Variants in WDR7 observed in about 807,000 individuals in gnomAD.
WDR7 encodes the protein WD repeat-containing protein 7.
A neutral mutation model predicts 169.4 loss-of-function variants in WDR7; 46 were observed. The ratio of observed to expected loss-of-function variants is 0.27; its 90% CI spans 0.21 to 0.35. The LOEUF is 0.35. Ranked by LOEUF, WDR7 falls within the 10% of genes least tolerant of loss-of-function variation. The pLI is 1.00. For missense variants in WDR7, 1,534 were observed against 1,859.3 expected, an observed-to-expected ratio of 0.83 and a Z score of 3.22; for synonymous variants, 612 against 666.8, an observed-to-expected ratio of 0.92 and a Z score of 1.27.
At chr18:57,010,205 A>T in intron 26 of WDR7, 6 of 985,486 alleles carry the variant, frequency 6.1e-6, no homozygotes, top group Non-Finnish European at 7.2e-6. Flanking sequence ...AAATACTGAA[A>T]AAAACATTTA....
At chr18:57,021,761 CTTTAT>C (rs1222238540) in intron 27 of WDR7, among the ~76,000 whole-genome samples, 2 of 152,100 alleles carry the variant, frequency 1.3e-5, no homozygotes, top group African/African-American at 4.8e-5. Context: ...TTGTTGTTAC[CTTTAT>C]TTTCTTAGAA....
intron 14 of WDR7, among the ~76,000 whole-genome samples, 156 bp from the exon 15 acceptor site, chr18:56,756,427 G>T (rs1213327164): frequency 1.3e-5 from 2 of 152,154 alleles, no homozygotes; most frequent in African/African-American, 4.8e-5. Context: ...ACATGCTGCT[G>T]ATTGGCAAAG....
intron 26 of WDR7, among the ~76,000 whole-genome samples, chr18:56,986,170 G>A (rs888728731): frequency 0.022 from 3,178 of 144,416 alleles, 40 homozygotes; most frequent in Non-Finnish European, 0.031. Flanking sequence ...GTGTGTGTGT[G>A]TGTGTGTGTA....
rs552974452 is a variant in WDR7, at chr18:56,924,121, T to A, written c.3713+13T>A. The A allele has an allele frequency of 1.2e-6, 2 of 1,608,450 alleles. No individual in the cohort carries two copies. The highest frequency in any genetic ancestry group is 2.2e-5 in the South Asian group (2 of 89,016). ...AACAACTTGCCAAGTATGTGTGGATTCCGGTTAATTTAATTTGTCACTGTT... is the reference window on the plus strand; with the variant it reads ...AACAACTTGCCAAGTATGTGTGGATACCGGTTAATTTAATTTGTCACTGTT... On this transcript the variant is annotated intron_variant, in intron 22 of 27. Coordinates refer to ENST00000254442, the MANE Select transcript of WDR7 (RefSeq NM_015285.3).
At chr18:56,751,464 G>A (rs1027069403) in intron 14 of WDR7, among the ~76,000 whole-genome samples, 5 of 152,090 alleles carry the variant, frequency 3.3e-5, no homozygotes, top group African/African-American at 1.2e-4. Flanking sequence ...AAAGAATTTT[G>A]CAGCTATTTC....
At chr18:56,895,681 C>A in intron 21 of WDR7, among the ~76,000 whole-genome samples, 1 of 151,396 alleles carries the variant, frequency 6.6e-6, no homozygotes, top group East Asian at 1.9e-4. Context: ...CACATGTACC[C>A]CTAAATATGT....
At chr18:56,956,289 G>C (rs2047249421) in intron 25 of WDR7, among the ~76,000 whole-genome samples, 1 of 152,078 alleles carries the variant, frequency 6.6e-6, no homozygotes, top group Non-Finnish European at 1.5e-5. Flanking sequence ...AGCTCGCCCT[G>C]AGCTGATGCC....
chr18:56,678,584 C>T (rs1311233892), intron 2 of WDR7, among the ~76,000 whole-genome samples: 2 of 152,084 alleles, frequency 1.3e-5, no homozygotes, highest in Non-Finnish European at 2.9e-5. Flanking sequence ...GCAACCTCTG[C>T]CTCCTGGGTT....
chr18:56,745,570 T>C (rs2043689624), intron 14 of WDR7, among the ~76,000 whole-genome samples: 1 of 152,160 alleles, frequency 6.6e-6, no homozygotes, highest in Non-Finnish European at 1.5e-5. Context: ...CTAATGCCAC[T>C]GCTGATATGA....
intron 26 of WDR7, among the ~76,000 whole-genome samples, chr18:56,964,788 C>T (rs749629266): frequency 1.4e-4 from 21 of 152,286 alleles, no homozygotes; most frequent in Non-Finnish European, 2.2e-4. Context: ...CCTTTACCTT[C>T]CACTTCTGTA....
intron 21 of WDR7, among the ~76,000 whole-genome samples, chr18:56,890,239 A>G (rs1225321604): frequency 1.3e-5 from 2 of 152,176 alleles, no homozygotes; most frequent in East Asian, 3.8e-4. Flanking sequence ...CCTAAGGGAT[A>G]TTGCAATTCT....
intron 1 of WDR7, among the ~76,000 whole-genome samples, chr18:56,660,146 C>G (rs1598940202): frequency 2.0e-5 from 3 of 152,236 alleles, no homozygotes; most frequent in South Asian, 4.1e-4. Flanking sequence ...AGCTATAAAA[C>G]TGGAGTTGCC....
In WDR7 at chr18:56,895,420, C is replaced by T. The variant is rs529713980; in HGVS notation, c.3526+15255C>T. The stretch of plus-strand genomic sequence containing the variant: ...AATGCAGATGACAATACAATTTCAA[C>T]TTACCCAATTACCAAAAGCATTAGG... On this transcript the variant is annotated intron_variant, in intron 21 of 27. Transcript: ENST00000254442. 1.6e-4 allele frequency among the ~76,000 whole-genome samples: 25 copies of T among 151,902 alleles called. 2 individuals are homozygous for T. In the South Asian group the frequency reaches 4.6e-3, roughly 28 times the overall value.
chr18:56,662,188 G>T (rs1370101183), intron 1 of WDR7, among the ~76,000 whole-genome samples: 2 of 152,208 alleles, frequency 1.3e-5, no homozygotes, highest in Non-Finnish European at 2.9e-5. Flanking sequence ...GTCACAGGGG[G>T]CCTGCCTGGG....
At chr18:56,723,427 G>A (rs571849053) in intron 13 of WDR7, among the ~76,000 whole-genome samples, 1 of 151,548 alleles carries the variant, frequency 6.6e-6, no homozygotes, top group East Asian at 1.9e-4. Flanking sequence ...TTCAGCTTTT[G>A]CATGTTTGAA....
At position 56,696,439 on chromosome 18, in the gene WDR7, C is replaced by G; in HGVS notation, c.1555C>G (p.Leu519Val). Residue 519 changes from leucine (L) to valine (V), a missense_variant, in exon 12 of 28, where the codon CTA (leucine) becomes GTA (valine). Coordinates refer to ENST00000254442, the MANE Select transcript of WDR7 (RefSeq NM_015285.3). ...CVHGGEITQL[L>V]VPPENCSARV... ...TCATGGTGGTGAGATTACTCAACTTCTAGTTCCACCTGAAAACTGTAGTGT... is the reference window on the plus strand; with the variant it reads ...TCATGGTGGTGAGATTACTCAACTTGTAGTTCCACCTGAAAACTGTAGTGT... 1.2e-6 allele frequency: 2 copies of G among 1,613,454 alleles called. No individual in the cohort carries two copies. The highest frequency in any genetic ancestry group is 1.7e-6 in the Non-Finnish European group (2 of 1,179,700).
chr18:56,790,871 T>A (rs1377268749), intron 19 of WDR7, among the ~76,000 whole-genome samples: 3 of 152,094 alleles, frequency 2.0e-5, no homozygotes, highest in Non-Finnish European at 2.9e-5. Flanking sequence ...ATTTTTTTTT[T>A]ATTTGTTTGA....
chr18:56,875,321 A>G (rs2046008221), intron 20 of WDR7, among the ~76,000 whole-genome samples: 1 of 152,144 alleles, frequency 6.6e-6, no homozygotes, highest in Non-Finnish European at 1.5e-5. Flanking sequence ...GTTTAACATC[A>G]CAAAACCAAA....
Position 56,939,345 on chromosome 18 carries a change from C to G in WDR7, c.4016C>G (p.Ser1339Cys). 6.3e-7 allele frequency: 1 copy of G among 1,586,084 alleles called. No homozygotes were observed. Among genetic ancestry groups the G allele is most frequent in the East Asian group, 2.3e-5 (1 of 44,008 alleles). The change falls in exon 25 of 28, where the codon TCT becomes TGT. Residue 1339 changes from serine (S) to cysteine (C), a missense_variant. Ser to Cys is a moderately radical substitution (Grantham distance 112). Coordinates refer to ENST00000254442, the MANE Select transcript of WDR7 (RefSeq NM_015285.3). ...ATCATTATGTACTGCCTTGAAGGAT[C>G]TTTAGTTAAAAAGAAAGGTCTTCAA... is the stretch of plus-strand genomic sequence containing the variant. ...MDIIMYCLEG[S>C]LVKKKGLQEC...
Sources: gnomAD v4.1 joint callset for allele counts (sites outside exome capture counted in the v4.1 genomes callset) on GRCh38, gnomAD v4.1.1 for gene constraint, MANE v1.5 for transcripts, NCBI Gene and HGNC (gene_info 2026-07-23, HGNC 2026-07-21) for gene names.